The following SLC44A1 variants were observed in gnomAD, a reference collection of about 807,000 sequenced individuals.
SLC44A1 encodes choline transporter-like protein 1.
SLC44A1 carries 26 observed loss-of-function variants against 79.3 expected under a neutral mutation model. The ratio of observed to expected loss-of-function variants is 0.33; its 90% CI spans 0.24 to 0.46. The LOEUF (loss-of-function observed/expected upper bound fraction) is 0.46. SLC44A1 is among the 20% of genes least tolerant of loss of function. The pLI is 1.00. For synonymous variants in SLC44A1, 263 were observed against 286.2 expected (o/e 0.92, Z 0.82); for missense variants, 688 against 798.1 (o/e 0.86, Z 1.66).
chr9:105,331,575 C>G (rs1826750443), intron 3 of SLC44A1, among the ~76,000 whole-genome samples: 1 of 152,178 alleles, frequency 6.6e-6, no homozygotes, highest in Non-Finnish European at 1.5e-5. Flanking sequence ...CAAGAAAGTG[C>G]AGTTTTAATA....
chr9:105,388,997 G>C (rs757665442), intron 15 of SLC44A1, 36 bp from the exon 16 acceptor site: 1 of 1,530,254 alleles, frequency 6.5e-7, no homozygotes, highest in Non-Finnish European at 9.1e-7. Flanking sequence ...AATGGTAATT[G>C]TCTAAGATTA....
Position 105,364,650 on chromosome 9 carries a change from A to G in SLC44A1, c.1183A>G (p.Ile395Val), listed in dbSNP as rs1406281381. The change falls in exon 10 of 16, where the codon ATC becomes GTC. Residue 395 changes from isoleucine to valine, a missense_variant. Coordinates refer to ENST00000374720, the MANE Select transcript of SLC44A1 (RefSeq NM_080546.5). ...GTACCATGTGGTGGGCCTGATTTGGATCAGTGAATTTATTCTAGCATGTCA... is the reference window on the plus strand; with the variant it reads ...GTACCATGTGGTGGGCCTGATTTGGGTCAGTGAATTTATTCTAGCATGTCA... ...WWYHVVGLIW[I>V]SEFILACQQM... 30 of 1,614,052 alleles carry G rather than the reference A, an allele frequency of 1.9e-5. No individual in the cohort carries two copies. Among genetic ancestry groups the G allele is most frequent in the Non-Finnish European group, 2.5e-5 (30 of 1,179,994 alleles).
intron 1 of SLC44A1, among the ~76,000 whole-genome samples, chr9:105,284,601 T>G (rs1830432885): frequency 6.6e-6 from 1 of 152,114 alleles, no homozygotes; most frequent in Admixed American, 6.6e-5. Context: ...CATGATTTTG[T>G]TCATCAAATT....
At chr9:105,251,941 A>G (rs1233583915) in intron 1 of SLC44A1, among the ~76,000 whole-genome samples, 1 of 152,128 alleles carries the variant, frequency 6.6e-6, no homozygotes, top group African/African-American at 2.4e-5. Context: ...GTGGCGGCAA[A>G]CTACAGCCCA....
chr9:105,244,747 C>T lies in SLC44A1; in HGVS notation c.-122C>T, dbSNP rs1474012467. ...GTACCAGCCGCCGCTGCAGCCGCCG[C>T]CGCCGCCTAGCCGTGCGGTGCCAGG... On this transcript the variant is annotated 5_prime_UTR_variant, in exon 1 of 16. Coordinates refer to ENST00000374720, the MANE Select transcript of SLC44A1 (RefSeq NM_080546.5). 6.6e-6 allele frequency: 3 copies of T among 456,684 alleles called. No individual in the cohort carries two copies. The highest frequency in any genetic ancestry group is 4.2e-5 in the African/African-American group (2 of 47,864). 28.3% of individuals were successfully genotyped at this position (456,684 alleles called of 1,614,324 possible). A position where few individuals can be genotyped will look rare whatever the true frequency, so the allele number is the denominator to read the frequency against.
intron 15 of SLC44A1, among the ~76,000 whole-genome samples, chr9:105,387,074 T>TATATATATATATATGA (rs1476701432): frequency 2.3e-5 from 2 of 85,462 alleles, no homozygotes; most frequent in Non-Finnish European, 4.9e-5. Context: ...TATATATATA[T>TATATATATATATATGA]GATATAAAAT....
intron 11 of SLC44A1, 98 bp downstream of exon 11, chr9:105,365,737 G>A (rs770229240): frequency 1.1e-4 from 136 of 1,249,880 alleles, no homozygotes; most frequent in Non-Finnish European, 1.4e-4. Flanking sequence ...ACAAAGTTGT[G>A]TTTTCTTCAA....
At chr9:105,415,056 A>C (rs1829150133) in intron 15 of SLC44A1, among the ~76,000 whole-genome samples, 1 of 152,182 alleles carries the variant, frequency 6.6e-6, no homozygotes, top group African/African-American at 2.4e-5. Context: ...GGTTGATCCC[A>C]AGCCTGAGAT....
At chr9:105,304,447 G>C (rs191288453) in intron 2 of SLC44A1, among the ~76,000 whole-genome samples, 1 of 152,168 alleles carries the variant, frequency 6.6e-6, no homozygotes, top group East Asian at 1.9e-4. Flanking sequence ...ACCTAACATA[G>C]TATTTACCAT....
At chr9:105,325,474 A>T (rs1826544178) in intron 3 of SLC44A1, among the ~76,000 whole-genome samples, 1 of 152,182 alleles carries the variant, frequency 6.6e-6, no homozygotes, top group African/African-American at 2.4e-5. Context: ...TCCAAGATGG[A>T]GGTTCTACAT....
At chr9:105,310,954 C>T (rs1554791074) in intron 3 of SLC44A1, among the ~76,000 whole-genome samples, 1 of 152,158 alleles carries the variant, frequency 6.6e-6, no homozygotes, top group Non-Finnish European at 1.5e-5. Context: ...GTAGGTGAAA[C>T]AGAGGCTTGG....
At chr9:105,376,392 A>G (rs1169715902) in intron 13 of SLC44A1, among the ~76,000 whole-genome samples, 1 of 142,782 alleles carries the variant, frequency 7.0e-6, no homozygotes, top group Non-Finnish European at 1.5e-5. Context: ...TTTTTTTTCC[A>G]GATGGAGTTT....
downstream of SLC44A1, among the ~76,000 whole-genome samples, chr9:105,397,551 C>T (rs1051066649): frequency 1.3e-5 from 2 of 152,162 alleles, no homozygotes; most frequent in Non-Finnish European, 2.9e-5. Context: ...TTCTGAAGTA[C>T]AAAGTTCATC....
intron 12 of SLC44A1, among the ~76,000 whole-genome samples, chr9:105,370,374 T>G (rs759977747): frequency 2.0e-5 from 3 of 152,208 alleles, no homozygotes; most frequent in Non-Finnish European, 2.9e-5. Flanking sequence ...CCACCTACTT[T>G]TTTTCAGTTG....
intron 15 of SLC44A1, among the ~76,000 whole-genome samples, chr9:105,413,317 G>C (rs1829121415): frequency 6.6e-6 from 1 of 152,192 alleles, no homozygotes; most frequent in African/African-American, 2.4e-5. Flanking sequence ...CCTGAAGCTT[G>C]AAGTGGTCGT....
intron 10 of SLC44A1, 64 bp downstream of exon 10, chr9:105,364,784 G>A (rs1588835983): frequency 7.4e-7 from 1 of 1,355,934 alleles, no homozygotes; most frequent in Non-Finnish European, 1.0e-6. Context: ...CAGGCTGGAG[G>A]GGAAGGGAAT....
intron 15 of SLC44A1, among the ~76,000 whole-genome samples, chr9:105,437,228 C>T (rs1028257528): frequency 2.0e-5 from 3 of 152,054 alleles, no homozygotes; most frequent in African/African-American, 7.2e-5. Flanking sequence ...ATGTATTTTA[C>T]CCCATATGCT....
At chr9:105,340,750 C>G (rs1257822210) in intron 4 of SLC44A1, among the ~76,000 whole-genome samples, 1 of 152,160 alleles carries the variant, frequency 6.6e-6, no homozygotes, top group Non-Finnish European at 1.5e-5. Context: ...TACAACCATC[C>G]ATTCACATGA....
At chr9:105,251,554 C>G (rs983805063) in intron 1 of SLC44A1, among the ~76,000 whole-genome samples, 3 of 152,196 alleles carry the variant, frequency 2.0e-5, no homozygotes, top group Non-Finnish European at 4.4e-5. Flanking sequence ...GGACAAAGAC[C>G]AGAACCCTTG....
Sources: gnomAD v4.1 joint callset for allele counts (sites outside exome capture counted in the v4.1 genomes callset) on GRCh38, gnomAD v4.1.1 for gene constraint, MANE v1.5 for transcripts, NCBI Gene and HGNC (gene_info 2026-07-23, HGNC 2026-07-21) for gene names.